Variants in LRP1B observed in about 807,000 individuals in gnomAD.
LRP1B encodes the protein low-density lipoprotein receptor-related protein 1B.
LRP1B carries 217 observed loss-of-function variants against 556.6 expected under a neutral mutation model. That is an observed-to-expected ratio of 0.39 (90% CI 0.35 to 0.44). The LOEUF is 0.44. LRP1B is among the 20% of genes least tolerant of loss of function. LRP1B has a pLI of 1.00. For synonymous variants in LRP1B, 2,047 were observed against 1,865.8 expected, an observed-to-expected ratio of 1.10 and a Z score of -2.50; for missense variants, 5,053 against 5,620.8, an observed-to-expected ratio of 0.90 and a Z score of 3.23.
At chr2:140,397,369 C>A (rs185199353) in intron 66 of LRP1B, among the ~76,000 whole-genome samples, 8 of 152,122 alleles carry the variant, frequency 5.3e-5, no homozygotes, top group Admixed American at 2.6e-4. Flanking sequence ...TCCCAACAGG[C>A]TCCAGTGTGT....
intron 84 of LRP1B, among the ~76,000 whole-genome samples, chr2:140,288,182 C>CAT (rs1162555853): frequency 2.7e-5 from 4 of 148,744 alleles, no homozygotes; most frequent in Admixed American, 6.7e-5. Context: ...CTGACAATGA[C>CAT]ATACTGACTC....
At chr2:141,814,572 A>G (rs555948430) in intron 1 of LRP1B, among the ~76,000 whole-genome samples, 9 of 152,362 alleles carry the variant, frequency 5.9e-5, no homozygotes, top group African/African-American at 2.2e-4. Flanking sequence ...CTGTATTTAA[A>G]GAGGAAACTG....
chr2:141,575,321 T>C (rs572619311), intron 2 of LRP1B, among the ~76,000 whole-genome samples: 13 of 152,114 alleles, frequency 8.5e-5, no homozygotes, highest in Non-Finnish European at 1.5e-4. Flanking sequence ...TCTGTAACCA[T>C]CTGATCTTCG....
intron 1 of LRP1B, among the ~76,000 whole-genome samples, chr2:141,868,927 C>T (rs1322970890): frequency 6.6e-6 from 1 of 152,016 alleles, no homozygotes; most frequent in Non-Finnish European, 1.5e-5. Flanking sequence ...ATAGTAGAAA[C>T]TTATAGCCTA....
intron 62 of LRP1B, among the ~76,000 whole-genome samples, chr2:140,452,961 G>GTTTTTTT (rs5834746): frequency 3.2e-5 from 4 of 126,658 alleles, no homozygotes; most frequent in Non-Finnish European, 4.9e-5. Flanking sequence ...GTGTGTGTGT[G>GTTTTTTT]TTTTTTTTTT....
intron 1 of LRP1B, among the ~76,000 whole-genome samples, chr2:142,013,465 C>T (rs1703018788): frequency 6.6e-6 from 1 of 151,752 alleles, no homozygotes. Flanking sequence ...AAAGTGATAA[C>T]TAAAGGTATC....
At chr2:140,469,184 T>C (rs1321591976) in intron 60 of LRP1B, among the ~76,000 whole-genome samples, 1 of 152,168 alleles carries the variant, frequency 6.6e-6, no homozygotes, top group East Asian at 1.9e-4. Context: ...TAATACCCAG[T>C]ATGACAGTAC....
In LRP1B at chr2:140,583,156, T is replaced by C. The variant is rs529483193; in HGVS notation, c.7194+15475A>G. ...GTCTACTGAAAGTTTCTATTGACAG[T>C]TTCTCCTTTTTTTTCTTTTTTTTTT... On this transcript the variant is annotated intron_variant, in intron 43 of 90. Coordinates refer to ENST00000389484, the MANE Select transcript of LRP1B (RefSeq NM_018557.3). Among the ~76,000 whole-genome samples the C allele has an allele frequency of 2.4e-3, 335 of 138,448 alleles. 1 individual carries two copies. The highest frequency in any genetic ancestry group is 4.0e-3 in the Non-Finnish European group (260 of 65,804). 90.8% of individuals were successfully genotyped at this position (138,448 alleles called of 152,430 possible).
Position 140,836,239 on chromosome 2 carries a change from C to A in LRP1B, c.5209+3752G>T, listed in dbSNP as rs115191242. Among the ~76,000 whole-genome samples the A allele has an allele frequency of 4.4e-3, 674 of 152,072 alleles. 7 individuals carry two copies. The highest frequency in any genetic ancestry group is 0.016 in the African/African-American group (652 of 41,490). On this transcript the variant is annotated intron_variant, in intron 31 of 90. Transcript: ENST00000389484. ...TATGGGCCTTTAATTCTAAAAATAA[C>A]CACAAAAGTTATATACTATTATCTC... is the stretch of plus-strand genomic sequence containing the variant.
At chr2:140,439,761 G>A (rs914327093) in intron 66 of LRP1B, among the ~76,000 whole-genome samples, 1 of 151,902 alleles carries the variant, frequency 6.6e-6, no homozygotes, top group African/African-American at 2.4e-5. Context: ...TTAGAGATTA[G>A]TATATAATTT....
chr2:140,795,178 T>A (rs1263642342), intron 32 of LRP1B, among the ~76,000 whole-genome samples: 1 of 152,180 alleles, frequency 6.6e-6, no homozygotes, highest in East Asian at 1.9e-4. Context: ...GTCACCTACC[T>A]GTCTTTCTAA....
intron 3 of LRP1B, among the ~76,000 whole-genome samples, chr2:141,422,921 G>A (rs192768858): frequency 2.6e-5 from 4 of 152,246 alleles, no homozygotes; most frequent in African/African-American, 7.2e-5. Flanking sequence ...TGAAGTAAGA[G>A]GGAATTATTG....
intron 1 of LRP1B, among the ~76,000 whole-genome samples, chr2:142,061,770 A>G (rs1704926099): frequency 6.6e-6 from 1 of 152,010 alleles, no homozygotes; most frequent in Admixed American, 6.6e-5. Context: ...TTCAGAACAT[A>G]AAAACTTACA....
chr2:141,247,691 T>G (rs2105328729), intron 4 of LRP1B, among the ~76,000 whole-genome samples: 1 of 152,300 alleles, frequency 6.6e-6, no homozygotes, highest in Admixed American at 6.5e-5. Flanking sequence ...TGACACTGAC[T>G]TTTTCACTGT....
intron 31 of LRP1B, among the ~76,000 whole-genome samples, chr2:140,831,096 T>A (rs1304080447): frequency 6.6e-6 from 1 of 151,406 alleles, no homozygotes; most frequent in Non-Finnish European, 1.5e-5. Context: ...GCTCATGGAG[T>A]AGAACAATTA....
chr2:141,420,143 C>G (rs1434738217), intron 3 of LRP1B, among the ~76,000 whole-genome samples: 2 of 152,154 alleles, frequency 1.3e-5, no homozygotes, highest in Non-Finnish European at 2.9e-5. Flanking sequence ...GTTACTATTT[C>G]TCCTTTCAGT....
intron 2 of LRP1B, among the ~76,000 whole-genome samples, chr2:141,543,278 G>C (rs760758233): frequency 1.3e-5 from 2 of 151,788 alleles, no homozygotes; most frequent in African/African-American, 4.8e-5. Flanking sequence ...GGAGGCCAAG[G>C]CTGGAGATCA....
intron 1 of LRP1B, among the ~76,000 whole-genome samples, chr2:141,968,930 G>C (rs967739945): frequency 2.2e-4 from 33 of 151,482 alleles, no homozygotes; most frequent in Admixed American, 2.1e-3. Flanking sequence ...CACTCTTACA[G>C]AACTGTCATT....
At chr2:141,815,850 G>A (rs1446645992) in intron 1 of LRP1B, among the ~76,000 whole-genome samples, 1 of 150,764 alleles carries the variant, frequency 6.6e-6, no homozygotes, top group Non-Finnish European at 1.5e-5. Flanking sequence ...CACTATTAAG[G>A]TCCGTAGCTT....
Sources: allele counts gnomAD v4.1 joint callset (sites outside exome capture counted in the v4.1 genomes callset), GRCh38; gene constraint gnomAD v4.1.1; transcripts MANE v1.5; gene names NCBI Gene and HGNC (gene_info 2026-07-23, HGNC 2026-07-21).